Variants in RHOBTB3 observed in about 807,000 individuals in gnomAD.
RHOBTB3 encodes the protein rho-related BTB domain-containing protein 3.
Under a neutral mutation model 67.2 loss-of-function variants are expected in RHOBTB3, and 47 were observed. That is an observed-to-expected ratio of 0.70 (90% CI 0.55 to 0.89). RHOBTB3 has a LOEUF of 0.89. RHOBTB3 is among the 40% of genes least tolerant of loss of function. RHOBTB3 has a pLI of 0.00. For missense variants in RHOBTB3, 631 were observed against 750.0 expected (o/e 0.84, Z 1.85); for synonymous variants, 273 against 274.2 (o/e 1.00, Z 0.04).
At chr5:95,751,200 C>T (rs1489499872) in intron 4 of RHOBTB3, 1 of 152,098 alleles carries the variant, frequency 6.6e-6, no homozygotes, top group East Asian at 1.9e-4. Context: ...GCGAAGTTTC[C>T]TGGCTCATGG....
chr5:95,735,051 C>T (rs1235647215), intron 2 of RHOBTB3, among the ~76,000 whole-genome samples: 2 of 152,144 alleles, frequency 1.3e-5, no homozygotes, highest in Non-Finnish European at 2.9e-5. Flanking sequence ...TACTTACGCA[C>T]TCTGTTATAC....
chr5:95,744,716 C>G (rs1010030373), intron 3 of RHOBTB3, among the ~76,000 whole-genome samples: 6 of 152,138 alleles, frequency 3.9e-5, no homozygotes, highest in Non-Finnish European at 7.3e-5. Flanking sequence ...GTTGGGTGCT[C>G]TCCTGGTAAT....
At chr5:95,732,167 C>T (rs1237805641) in intron 2 of RHOBTB3, 83 bp downstream of exon 2, 4 of 1,275,684 alleles carry the variant, frequency 3.1e-6, no homozygotes, top group Admixed American at 3.8e-5. Flanking sequence ...TGCCCACTTC[C>T]GTGAGTGTGG....
chr5:95,773,520 T>G (rs1580421435), intron 8 of RHOBTB3, among the ~76,000 whole-genome samples: 1 of 152,200 alleles, frequency 6.6e-6, no homozygotes, highest in East Asian at 1.9e-4. Flanking sequence ...AGCCTTGGCT[T>G]TGCGTCTTGA....
chr5:95,792,582 G>A (rs1022687318), intron 11 of RHOBTB3, among the ~76,000 whole-genome samples: 2 of 151,852 alleles, frequency 1.3e-5, no homozygotes, highest in African/African-American at 4.8e-5. Flanking sequence ...CACGAGGTCA[G>A]GAGATCGAGA....
Position 95,757,423 on chromosome 5 carries a change from T to C in RHOBTB3, c.1048+1662T>C, listed in dbSNP as rs184751872. Among the ~76,000 whole-genome samples, 385 of 152,352 alleles carry C rather than the reference T, an allele frequency of 2.5e-3. 3 individuals are homozygous for C. The highest frequency in any genetic ancestry group is 0.01 in the Middle Eastern group (3 of 294). ...GGTCACTCCTGCTCTGCAGTGTGTC[T>C]GGAGAAACATTTATAATTAATTTGT... is the stretch of plus-strand genomic sequence containing the variant. On this transcript the variant is annotated intron_variant, in intron 6 of 11. Coordinates refer to ENST00000379982, the MANE Select transcript of RHOBTB3 (RefSeq NM_014899.4).
At chr5:95,736,842 A>G (rs769397502) in intron 2 of RHOBTB3, 47 bp from the exon 3 acceptor site, 1 of 1,233,242 alleles carries the variant, frequency 8.1e-7, no homozygotes. Context: ...TTCAGGATTG[A>G]TTGGACGATA....
At chr5:95,746,928 T>C (rs1304057632) in intron 3 of RHOBTB3, among the ~76,000 whole-genome samples, 1 of 152,248 alleles carries the variant, frequency 6.6e-6, no homozygotes, top group Non-Finnish European at 1.5e-5. Context: ...ATTTAGCGTA[T>C]ACCCGATATT....
intron 8 of RHOBTB3, among the ~76,000 whole-genome samples, chr5:95,773,115 A>G (rs1237587756): frequency 6.6e-6 from 1 of 152,268 alleles, no homozygotes; most frequent in Non-Finnish European, 1.5e-5. Flanking sequence ...TATGTAGCAC[A>G]TGAAAATATA....
At chr5:95,751,188 A>T (rs1226888412) in intron 4 of RHOBTB3, 1 of 152,212 alleles carries the variant, frequency 6.6e-6, no homozygotes, top group African/African-American at 2.4e-5. Flanking sequence ...CAAGAGAAGA[A>T]AGCGAAGTTT....
At position 95,732,045 on chromosome 5, in the gene RHOBTB3, T is replaced by C; in HGVS notation, c.189T>C (p.Phe63=). The C allele has an allele frequency of 6.2e-7, 1 of 1,614,178 alleles. No homozygotes were observed. The highest frequency in any genetic ancestry group is 2.2e-5 in the East Asian group (1 of 44,876). The change falls in exon 2 of 12, where the codon TTT becomes TTC. Residue 63 remains phenylalanine (F), a synonymous_variant. Coordinates refer to ENST00000379982, the MANE Select transcript of RHOBTB3 (RefSeq NM_014899.4). ...PVFTEYQASA[F]GNVKLVVHDC... The stretch of plus-strand genomic sequence containing the variant: ...TCACCGAGTATCAGGCCAGTGCGTT[T>C]GGGAATGTCAAGCTGGTGGTCCACG...
chr5:95,789,658 G>C (rs577004409), intron 11 of RHOBTB3: 12 of 152,242 alleles, frequency 7.9e-5, no homozygotes, highest in African/African-American at 2.9e-4. Context: ...CTTCTAGGGT[G>C]GGGGACAGAA....
At chr5:95,736,006 G>A (rs527347980) in intron 2 of RHOBTB3, among the ~76,000 whole-genome samples, 4 of 152,282 alleles carry the variant, frequency 2.6e-5, no homozygotes, top group Non-Finnish European at 5.9e-5. Flanking sequence ...GGAGGCTGAG[G>A]CACAGGAATT....
Position 95,755,609 on chromosome 5 carries a change from T to A in RHOBTB3, c.896T>A (p.Ile299Asn). ...ACTGACATTCAGGATTCCAGTATCA[T>A]CCGAACTACCCAGGATCTTTTTGCT... is the stretch of plus-strand genomic sequence containing the variant. Reference protein sequence around the residue: ...SPTDIQDSSIIRTTQDLFAIN... With the variant: ...SPTDIQDSSINRTTQDLFAIN... The change falls in exon 6 of 12, where the codon ATC (isoleucine) becomes AAC (asparagine). Residue 299 changes from isoleucine to asparagine, a missense_variant. Coordinates refer to ENST00000379982, the MANE Select transcript of RHOBTB3 (RefSeq NM_014899.4). 1 of 1,614,152 alleles carries A rather than the reference T, an allele frequency of 6.2e-7. No individual in the cohort carries two copies. The highest frequency in any genetic ancestry group is 2.2e-5 in the East Asian group (1 of 44,890).
chr5:95,724,073 G>A (rs950884934), intron 1 of RHOBTB3, among the ~76,000 whole-genome samples: 1 of 152,120 alleles, frequency 6.6e-6, no homozygotes. Context: ...CCTCTCAAAA[G>A]TTATTGTGAA....
intron 6 of RHOBTB3, among the ~76,000 whole-genome samples, chr5:95,757,754 C>G (rs924939596): frequency 6.6e-6 from 1 of 152,134 alleles, no homozygotes; most frequent in African/African-American, 2.4e-5. Flanking sequence ...AATTAAGCAC[C>G]TGTACAGCAC....
intron 8 of RHOBTB3, among the ~76,000 whole-genome samples, chr5:95,778,533 C>A (rs756509673): frequency 2.6e-5 from 4 of 151,902 alleles, no homozygotes; most frequent in Non-Finnish European, 4.4e-5. Context: ...ACCACATTAT[C>A]AACAATTTCT....
chr5:95,792,205 T>C (rs1298671622), intron 11 of RHOBTB3, among the ~76,000 whole-genome samples: 1 of 151,956 alleles, frequency 6.6e-6, no homozygotes, highest in African/African-American at 2.4e-5. Context: ...CTAAGTTAGC[T>C]ACAAAGAAAA....
At chr5:95,724,548 C>T (rs1179208795) in intron 1 of RHOBTB3, among the ~76,000 whole-genome samples, 2 of 152,108 alleles carry the variant, frequency 1.3e-5, no homozygotes, top group Non-Finnish European at 2.9e-5. Context: ...GACCCTGGGG[C>T]CAATTGTCTG....
Sources: allele counts gnomAD v4.1 joint callset (sites outside exome capture counted in the v4.1 genomes callset), GRCh38; gene constraint gnomAD v4.1.1; transcripts MANE v1.5; gene names NCBI Gene and HGNC (gene_info 2026-07-23, HGNC 2026-07-21).